Variants in KIF1A observed in about 807,000 individuals in gnomAD.
KIF1A encodes kinesin-like protein KIF1A.
Under a neutral mutation model 227.3 loss-of-function variants are expected in KIF1A, and 46 were observed. The ratio of observed to expected loss-of-function variants is 0.20; its 90% CI spans 0.16 to 0.26. The LOEUF (loss-of-function observed/expected upper bound fraction) is 0.26. Ranked by LOEUF, KIF1A falls within the 10% of genes least tolerant of loss-of-function variation. KIF1A has a pLI of 1.00. For missense variants in KIF1A, 1,683 were observed against 2,485.9 expected, an observed-to-expected ratio of 0.68 and a Z score of 6.87; for synonymous variants, 1,022 against 1,012.8, an observed-to-expected ratio of 1.01 and a Z score of -0.17.
rs910934589 is a variant in KIF1A at position 240,790,581 on chromosome 2, AC to A, written c.107-1270del. ...CCTAATTTCATATTTTGAAGCCTTT[AC>A]CCCCAGTATCTCAGAATGGGACCTC... On this transcript the variant is annotated intron_variant, in intron 2 of 48. Coordinates refer to ENST00000498729, the MANE Select transcript of KIF1A (RefSeq NM_001244008.2). The surrounding 1 kb of genome is among the most constrained non-coding windows in gnomAD (Gnocchi z 5.0). Among the ~76,000 whole-genome samples the A allele has an allele frequency of 2.2e-4, 33 of 151,692 alleles. No individual in the cohort carries two copies. The highest frequency in any genetic ancestry group is 8.0e-4 in the African/African-American group (33 of 41,282).
chr2:240,761,246 C>T lies in KIF1A; in HGVS notation c.2248G>A (p.Val750Met), dbSNP rs374794257. 2.4e-5 allele frequency: 38 copies of T among 1,613,124 alleles called. No homozygotes were observed. Among genetic ancestry groups the T allele is most frequent in the South Asian group, 7.7e-5 (7 of 91,036 alleles). The change falls in exon 24 of 49, where the codon GTG becomes ATG. Residue 750 changes from valine to methionine, a missense_variant. Val to Met is a conservative substitution (Grantham distance 21). This residue lies in a region of KIF1A where 217 missense variants were observed against 427.0 expected (regional missense o/e 0.51). Coordinates refer to ENST00000498729, the MANE Select transcript of KIF1A (RefSeq NM_001244008.2). ...CAGCCCACCTTCTTTTTCAGCTCCA[C>T]GCTGATGGCATTGGCCTCCTTGAGG... ...IFLKEANAIS[V>M]ELKKKVQFQF... is the part of the protein sequence containing the mutation.
chr2:240,743,523 C>T (rs2048239879), intron 33 of KIF1A, among the ~76,000 whole-genome samples: 1 of 152,176 alleles, frequency 6.6e-6, no homozygotes, highest in East Asian at 1.9e-4. Context: ...CTCTGAGCCC[C>T]CATTTTCCAG....
chr2:240,772,599 ATGGGGGAGGGAAGCG>A lies in KIF1A; in HGVS notation c.1181-18_1181-4del. ...GGGTCCTCCAGGCACAGTGTTGGCT[ATGGGGGAGGGAAGCG>A]TGGGGGAGGGGGAGAGACAGAGAAA... On this transcript the variant is annotated splice_region_variant and splice_polypyrimidine_tract_variant and intron_variant, in intron 13 of 48. Coordinates refer to ENST00000498729, the MANE Select transcript of KIF1A (RefSeq NM_001244008.2). 2 of 1,475,900 alleles carry A rather than the reference ATGGGGGAGGGAAGCG, an allele frequency of 1.4e-6. No homozygotes were observed. The highest frequency in any genetic ancestry group is 1.9e-6 in the Non-Finnish European group (2 of 1,079,528). 91.4% of individuals were successfully genotyped at this position (1,475,900 alleles called of 1,614,324 possible).
In KIF1A at chr2:240,797,717, G is replaced by A. The variant is rs760066614; in HGVS notation, c.36C>T (p.Val12=). The A allele has an allele frequency of 8.7e-6, 14 of 1,612,042 alleles. No homozygotes were observed. Among genetic ancestry groups the A allele is most frequent in the Non-Finnish European group, 1.2e-5 (14 of 1,179,616 alleles). Residue 12 remains valine, a synonymous_variant, in exon 2 of 49, where the codon GTC becomes GTT. Coordinates refer to ENST00000498729, the MANE Select transcript of KIF1A (RefSeq NM_001244008.2). ...TCATTTCCCGGGAATTGAAGGGGCG[G>A]ACCCGCACCGCCACCTTCACCGAAG... is the stretch of plus-strand genomic sequence containing the variant. ...AGASVKVAVR[V]RPFNSREMSR... is the part of the protein sequence containing the mutation.
Position 240,773,133 on chromosome 2 carries a change from A to G in KIF1A, c.1161T>C (p.Gly387=), listed in dbSNP as rs747490578. Residue 387 remains glycine (G), a synonymous_variant, in exon 13 of 49, where the codon GGT becomes GGC. Transcript: ENST00000498729. The part of the protein sequence containing the change: ...TRLRDLLYAQ[G]LGDITDTNTV... ...ACTCACTGTCAGTGATGTCGCCAAG[A>G]CCCTGGGCGTACAGAAGGTCCCGCA... 1 of 1,613,436 alleles carries G rather than the reference A, an allele frequency of 6.2e-7. No homozygotes were observed. The highest frequency in any genetic ancestry group is 8.5e-7 in the Non-Finnish European group (1 of 1,179,662).
At position 240,767,250 on chromosome 2, in the gene KIF1A, C is replaced by T; in HGVS notation, c.1577+16G>A. ...GGGCCTGGCCAGGCTGGAGTGGCTG[C>T]CAGGTCCCCTCTCACCTGGTGATCC... On this transcript the variant is annotated intron_variant, in intron 18 of 48. Transcript: ENST00000498729. The T allele has an allele frequency of 6.2e-7, 1 of 1,605,446 alleles. No homozygotes were observed. The highest frequency in any genetic ancestry group is 8.5e-7 in the Non-Finnish European group (1 of 1,174,324).
At chr2:240,819,574 G>C (rs148765371) in intron 1 of KIF1A, among the ~76,000 whole-genome samples, 2,108 of 143,094 alleles carry the variant, frequency 0.015, 61 homozygotes, top group African/African-American at 0.05. Context: ...CCCGGGAACC[G>C]GAGCAGCTGC....
intron 38 of KIF1A, 21 bp downstream of exon 38, chr2:240,737,042 T>G (rs1046443135): frequency 4.4e-6 from 7 of 1,580,928 alleles, no homozygotes; most frequent in Middle Eastern, 3.3e-4. Context: ...GGGCCCTGTC[T>G]CCAGGGAGTC....
chr2:240,765,828 T>C, intron 19 of KIF1A, 35 bp from the exon 20 acceptor site: 1 of 1,526,984 alleles, frequency 6.5e-7, no homozygotes. Flanking sequence ...AGAGGAGGAC[T>C]ATGAGGGGCT....
intron 2 of KIF1A, among the ~76,000 whole-genome samples, chr2:240,797,382 G>A (rs2056519838): frequency 1.3e-5 from 2 of 152,184 alleles, no homozygotes; most frequent in Non-Finnish European, 2.9e-5. Flanking sequence ...TCCTCCCTAG[G>A]AGCTCAGAGA....
intron 38 of KIF1A, among the ~76,000 whole-genome samples, chr2:240,729,026 A>AACACGTCAGCATCGCTGTCTGGT: frequency 6.6e-6 from 1 of 152,220 alleles, no homozygotes; most frequent in African/African-American, 2.4e-5. Flanking sequence ...CCCTGTCTGG[A>AACACGTCAGCATCGCTGTCTGGT]ACACGTCAGC....
rs765438121 is a variant in KIF1A, at chr2:240,725,311, G to A, written c.4216C>T (p.Arg1406Cys). 9.9e-6 allele frequency: 16 copies of A among 1,609,974 alleles called. No individual in the cohort carries two copies. The highest frequency in any genetic ancestry group is 1.3e-5 in the Non-Finnish European group (15 of 1,178,822). ...DAKLPASRSIRNLFGSGSLRA... is the reference protein window; with the variant it reads ...DAKLPASRSICNLFGSGSLRA... ...AGGCTCCCACTGCCAAAGAGGTTGCGGATGGAGCGCGAGGCTGGCAGCTTG... is the reference window on the plus strand; with the variant it reads ...AGGCTCCCACTGCCAAAGAGGTTGCAGATGGAGCGCGAGGCTGGCAGCTTG... The change falls in exon 40 of 49, where the codon CGC becomes TGC. Residue 1406 changes from arginine to cysteine, a missense_variant. By Grantham distance (180) the Arg-to-Cys change is radical (BLOSUM62 -3). Around this residue, in one of 12 missense-constraint regions of KIF1A, gnomAD observed 759 missense variants for 1,020.2 expected, o/e 0.74. Transcript: ENST00000498729. This position sits in a 1 kb window ranked among gnomAD's most constrained non-coding sequence, Gnocchi z 5.8.
intron 38 of KIF1A, among the ~76,000 whole-genome samples, chr2:240,730,959 A>G (rs1247669939): frequency 1.3e-5 from 2 of 151,890 alleles, no homozygotes; most frequent in African/African-American, 2.4e-5. Context: ...TACTGGCCCC[A>G]CCCTCCAAGC....
rs753060457 is a variant in KIF1A, at chr2:240,720,988, T to A, written c.4794A>T (p.Leu1598=). The change falls in exon 45 of 49, where the codon CTA becomes CTT. Residue 1598 remains leucine (L), a synonymous_variant. Coordinates refer to ENST00000498729, the MANE Select transcript of KIF1A (RefSeq NM_001244008.2). The part of the protein sequence containing the change: ...TLLRDPSMSP[L]GVATLTPSST... ...AGGAGGGGGTGAGAGTGGCCACCCC[T>A]AGAGGGGACATCGACGGGTCCCGGA... 2 of 1,609,766 alleles carry A rather than the reference T, an allele frequency of 1.2e-6. No individual in the cohort carries two copies. The highest frequency in any genetic ancestry group is 4.5e-5 in the East Asian group (2 of 44,784).
intron 18 of KIF1A, 101 bp downstream of exon 18, chr2:240,767,165 C>T (rs1010510698): frequency 1.0e-5 from 12 of 1,171,094 alleles, no homozygotes; most frequent in Non-Finnish European, 1.5e-5. Flanking sequence ...GAAGTCCAAA[C>T]TCAGTGGCCC....
chr2:240,799,440 T>C (rs2056755608), intron 1 of KIF1A, among the ~76,000 whole-genome samples: 1 of 152,166 alleles, frequency 6.6e-6, no homozygotes, highest in South Asian at 2.1e-4. Flanking sequence ...GGCCACCCTA[T>C]GGCTAAGTGG....
In KIF1A at chr2:240,797,735, C is replaced by T; in HGVS notation, c.18G>A (p.Val6=). 6.2e-7 allele frequency: 1 copy of T among 1,610,730 alleles called. No homozygotes were observed. ...AGGGGCGGACCCGCACCGCCACCTTCACCGAAGCCCCGGCCATCTCTGTGG... is the reference window on the plus strand; with the variant it reads ...AGGGGCGGACCCGCACCGCCACCTTTACCGAAGCCCCGGCCATCTCTGTGG... MAGAS[V]KVAVRVRPFN... Residue 6 remains valine (V), a synonymous_variant, in exon 2 of 49, where the codon GTG becomes GTA. Coordinates refer to ENST00000498729, the MANE Select transcript of KIF1A (RefSeq NM_001244008.2).
Position 240,720,995 on chromosome 2 carries a change from G to A in KIF1A, c.4787C>T (p.Ser1596Phe). 1 of 1,610,638 alleles carries A rather than the reference G, an allele frequency of 6.2e-7. No homozygotes were observed. Among genetic ancestry groups the A allele is most frequent in the Non-Finnish European group, 8.5e-7 (1 of 1,179,014 alleles). Reference sequence around the variant, plus strand: ...GGTGAGAGTGGCCACCCCTAGAGGGGACATCGACGGGTCCCGGAGCAGGGT... The same window carrying A: ...GGTGAGAGTGGCCACCCCTAGAGGGAACATCGACGGGTCCCGGAGCAGGGT... ...SVTLLRDPSM[S>F]PLGVATLTPS... Residue 1596 changes from serine to phenylalanine, a missense_variant, in exon 45 of 49, where the codon TCC becomes TTC. By Grantham distance (155) the Ser-to-Phe change is radical. Coordinates refer to ENST00000498729, the MANE Select transcript of KIF1A (RefSeq NM_001244008.2).
chr2:240,780,774 ACACACACACACACACACACAGCTC>A (rs2053574420), intron 10 of KIF1A, among the ~76,000 whole-genome samples: 3 of 116,972 alleles, frequency 2.6e-5, no homozygotes, highest in East Asian at 3.0e-4. Context: ...ACAGCTCCAC[ACACACACACACACACACACAGCTC>A]CACACACACA....
Sources: gnomAD v4.1 joint callset for allele counts (sites outside exome capture counted in the v4.1 genomes callset) on GRCh38, gnomAD v4.1.1 for gene constraint, gnomAD v4.1.1 regional missense constraint, Gnocchi (gnomAD v3.1) non-coding constraint, MANE v1.5 for transcripts, NCBI Gene and HGNC (gene_info 2026-07-23, HGNC 2026-07-21) for gene names.